SIK3: variants seen among roughly 807,000 people sequenced by gnomAD.
SIK3 encodes SIK family kinase 3.
SIK3 carries 28 observed loss-of-function variants against 144.2 expected under a neutral mutation model. That is an observed-to-expected ratio of 0.19 (90% CI 0.14 to 0.27). The LOEUF (loss-of-function observed/expected upper bound fraction) is 0.27, where lower values mean the gene tolerates loss of function less well. Ranked by LOEUF, SIK3 falls within the 10% of genes least tolerant of loss-of-function variation. The pLI is 1.00. For synonymous variants in SIK3, 686 were observed against 676.3 expected (o/e 1.01, Z -0.22); for missense variants, 1,319 against 1,776.0 (o/e 0.74, Z 4.62).
rs949193081 is a variant in SIK3 at position 116,844,025 on chromosome 11, A to G, written c.*1618T>C. The G allele has an allele frequency of 6.6e-6, 1 of 152,324 alleles. No homozygotes were observed. Among genetic ancestry groups the G allele is most frequent in the Admixed American group, 6.5e-5 (1 of 15,304 alleles). The allele number at this position is 152,324 out of a possible 1,614,324, so 9.4% of individuals were successfully genotyped here. On this transcript the variant is annotated 3_prime_UTR_variant, in exon 25 of 25. Coordinates refer to ENST00000445177, the MANE Select transcript of SIK3 (RefSeq NM_001366686.3). ...CTGTGCAAATTCAGGATGAAAGACTAGGAGGGGACTCGGGACCTCTTGCTC... is the reference window on the plus strand; with the variant it reads ...CTGTGCAAATTCAGGATGAAAGACTGGGAGGGGACTCGGGACCTCTTGCTC...
At chr11:116,854,488 A>G (rs1341656170) in intron 21 of SIK3, among the ~76,000 whole-genome samples, 3 of 152,244 alleles carry the variant, frequency 2.0e-5, no homozygotes, top group African/African-American at 7.2e-5. Context: ...ACTTCATAGC[A>G]AAGCTGTTTA....
chr11:116,857,792 C>T lies in SIK3; in HGVS notation c.3655+18G>A. On this transcript the variant is annotated intron_variant, in intron 21 of 24. Transcript: ENST00000445177. The stretch of plus-strand genomic sequence containing the variant: ...AGGGCAGACTGGCCCAGGACTTCCA[C>T]TGTGAGGAGACACTTACCTCTGCTG... 6.2e-7 allele frequency: 1 copy of T among 1,612,950 alleles called. No individual in the cohort carries two copies. Among genetic ancestry groups the T allele is most frequent in the Non-Finnish European group, 8.5e-7 (1 of 1,179,266 alleles).
intron 4 of SIK3, among the ~76,000 whole-genome samples, chr11:116,918,810 A>G (rs1277817090): frequency 6.6e-6 from 1 of 152,252 alleles, no homozygotes; most frequent in Non-Finnish European, 1.5e-5. Flanking sequence ...TATGACATTA[A>G]GTAGAATACA....
intron 1 of SIK3, among the ~76,000 whole-genome samples, chr11:116,979,602 T>C (rs1291080391): frequency 6.6e-6 from 1 of 152,170 alleles, no homozygotes; most frequent in African/African-American, 2.4e-5. Flanking sequence ...ATCCCAGCAC[T>C]GTGGGAGGCC....
At chr11:116,906,144 A>C (rs1324272102) in intron 4 of SIK3, among the ~76,000 whole-genome samples, 1 of 152,210 alleles carries the variant, frequency 6.6e-6, no homozygotes, top group Non-Finnish European at 1.5e-5. Context: ...AGATTAGGTT[A>C]GGTGTGAGGT....
At chr11:117,055,140 T>C (rs1422506223) in intron 1 of SIK3, among the ~76,000 whole-genome samples, 1 of 152,176 alleles carries the variant, frequency 6.6e-6, no homozygotes, top group Non-Finnish European at 1.5e-5. Context: ...ACAGAAAGAC[T>C]CTGACTTTAG....
rs543891973 is a variant in SIK3 at position 116,951,184 on chromosome 11, T to C, written c.454+2860A>G. 8.5e-5 allele frequency among the ~76,000 whole-genome samples: 13 copies of C among 152,278 alleles called. No homozygotes were observed. The South Asian group carries it at 2.7e-3, about 32-fold the overall frequency. On this transcript the variant is annotated intron_variant, in intron 3 of 24. Transcript: ENST00000445177. The stretch of plus-strand genomic sequence containing the variant: ...AATTTGCTCTAAGTAAAAGGGCAAA[T>C]AGGTGACAGAGATCTGATTCAAACC...
Position 116,846,699 on chromosome 11 carries a change from T to A in SIK3, c.3953-146A>T. 1 of 870,292 alleles carries A rather than the reference T, an allele frequency of 1.1e-6. No homozygotes were observed. The highest frequency in any genetic ancestry group is 1.8e-6 in the Non-Finnish European group (1 of 565,146). The allele number at this position is 870,292 out of a possible 1,614,324, so 53.9% of individuals were successfully genotyped here. A position where few individuals can be genotyped will look rare whatever the true frequency, so the allele number is the denominator to read the frequency against. ...CTGAATTCTAGCTCACAGCAGGCCC[T>A]CAAGGTGTTGAGTGACGATGGGCGG... On this transcript the variant is annotated intron_variant, in intron 23 of 24. Coordinates refer to ENST00000445177, the MANE Select transcript of SIK3 (RefSeq NM_001366686.3). This position sits in a 1 kb window ranked among gnomAD's most constrained non-coding sequence, Gnocchi z 4.1.
chr11:117,023,621 A>ATATATATAT lies in SIK3; in HGVS notation c.274-66558_274-66557insATATATATA, dbSNP rs1555131640. Reference sequence around the variant, plus strand: ...ACAAACAAACAAACAAAAAAAAAAAAATATATATATATATATATATATATT... The same window carrying ATATATATAT: ...ACAAACAAACAAACAAAAAAAAAAAATATATATATATATATATATATATATATATATATT... On this transcript the variant is annotated intron_variant, in intron 1 of 24. Transcript: ENST00000445177. 1.7e-3 allele frequency among the ~76,000 whole-genome samples: 163 copies of ATATATATAT among 95,338 alleles called. 2 individuals carry two copies. Among genetic ancestry groups the ATATATATAT allele is most frequent in the African/African-American group, 6.4e-3 (147 of 22,966 alleles). 62.5% of individuals were successfully genotyped at this position (95,338 alleles called of 152,430 possible). A position where few individuals can be genotyped will look rare whatever the true frequency, so the allele number is the denominator to read the frequency against.
At chr11:117,031,002 T>G (rs1952233782) in intron 1 of SIK3, among the ~76,000 whole-genome samples, 2 of 152,238 alleles carry the variant, frequency 1.3e-5, no homozygotes, top group South Asian at 4.1e-4. Context: ...ATTGGATTAC[T>G]TGGGGTTTTT....
chr11:116,926,935 C>T (rs529010456), intron 4 of SIK3, among the ~76,000 whole-genome samples: 11 of 150,526 alleles, frequency 7.3e-5, no homozygotes, highest in African/African-American at 2.4e-4. Flanking sequence ...GCAGGAGAAT[C>T]GCTTGAACCT....
At chr11:117,006,225 C>A (rs1051287743) in intron 1 of SIK3, among the ~76,000 whole-genome samples, 1 of 152,140 alleles carries the variant, frequency 6.6e-6, no homozygotes, top group African/African-American at 2.4e-5. Flanking sequence ...ACCTCTACCA[C>A]AATACATTGA....
At chr11:116,988,655 A>G (rs1950403515) in intron 1 of SIK3, among the ~76,000 whole-genome samples, 1 of 151,948 alleles carries the variant, frequency 6.6e-6, no homozygotes, top group Non-Finnish European at 1.5e-5. Flanking sequence ...TTAGCCAAGC[A>G]TATTAATGTG....
chr11:117,041,835 G>A (rs1389259030), intron 1 of SIK3, among the ~76,000 whole-genome samples: 3 of 152,122 alleles, frequency 2.0e-5, no homozygotes, highest in African/African-American at 7.2e-5. Context: ...GTCCAAAGAT[G>A]CCCTAAGGAT....
At chr11:117,031,787 C>A (rs543741631) in intron 1 of SIK3, among the ~76,000 whole-genome samples, 2 of 149,806 alleles carry the variant, frequency 1.3e-5, no homozygotes, top group African/African-American at 4.9e-5. Context: ...AGGTGATCCA[C>A]CCACTAGGCC....
chr11:116,943,147 A>C (rs1948405914), intron 3 of SIK3, among the ~76,000 whole-genome samples: 1 of 151,822 alleles, frequency 6.6e-6, no homozygotes, highest in South Asian at 2.1e-4. Context: ...AATGGACCAG[A>C]GTCTAAATTA....
intron 3 of SIK3, among the ~76,000 whole-genome samples, chr11:116,931,132 T>G (rs1947582153): frequency 6.6e-6 from 1 of 152,198 alleles, no homozygotes. Flanking sequence ...TGCCCTTCCT[T>G]GCAAAATGAA....
intron 3 of SIK3, among the ~76,000 whole-genome samples, chr11:116,951,631 G>A (rs762881538): frequency 9.2e-5 from 14 of 152,184 alleles, no homozygotes; most frequent in African/African-American, 3.1e-4. Flanking sequence ...ACCAAGAAAC[G>A]GATCTCTCTA....
intron 1 of SIK3, among the ~76,000 whole-genome samples, chr11:117,038,701 T>TTAA (rs1020480816): frequency 1.4e-5 from 2 of 146,676 alleles, no homozygotes; most frequent in Admixed American, 7.0e-5. Flanking sequence ...TTTACCTTTG[T>TTAA]TAATAATCAC....
Sources: gnomAD v4.1 joint callset for allele counts (sites outside exome capture counted in the v4.1 genomes callset) on GRCh38, gnomAD v4.1.1 for gene constraint, Gnocchi (gnomAD v3.1) non-coding constraint, MANE v1.5 for transcripts, NCBI Gene and HGNC (gene_info 2026-07-23, HGNC 2026-07-21) for gene names.